The following PCDH15 variants were observed in gnomAD, a reference collection of about 807,000 sequenced individuals.
The protein encoded by PCDH15 is protocadherin-15.
A neutral mutation model predicts 178.5 loss-of-function variants in PCDH15; 129 were observed. That is an observed-to-expected ratio of 0.72 (90% CI 0.63 to 0.84). The LOEUF (loss-of-function observed/expected upper bound fraction) is 0.84. Ranked by LOEUF, PCDH15 falls within the 40% of genes least tolerant of loss-of-function variation. The pLI is 0.00. For synonymous variants in PCDH15, 800 were observed against 732.0 expected, an observed-to-expected ratio of 1.09 and a Z score of -1.50; for missense variants, 2,230 against 2,099.9, an observed-to-expected ratio of 1.06 and a Z score of -1.21.
intron 26 of PCDH15, among the ~76,000 whole-genome samples, chr10:53,890,203 G>A (rs998265971): frequency 2.6e-5 from 4 of 152,118 alleles, no homozygotes; most frequent in African/African-American, 9.7e-5. Context: ...CGATGCAGGC[G>A]GATCACAAGG....
At chr10:54,725,561 T>C (rs965687211) in intron 1 of PCDH15, among the ~76,000 whole-genome samples, 3 of 141,342 alleles carry the variant, frequency 2.1e-5, no homozygotes, top group African/African-American at 7.6e-5. Context: ...ATTATATATA[T>C]ATATAATTGG....
chr10:54,572,757 T>C (rs2089996695), intron 2 of PCDH15, among the ~76,000 whole-genome samples: 2 of 152,118 alleles, frequency 1.3e-5, no homozygotes, highest in African/African-American at 4.8e-5. Context: ...TTATCTTGCT[T>C]GTAGAAAGCA....
chr10:53,892,928 T>C (rs1413783082), intron 26 of PCDH15, among the ~76,000 whole-genome samples: 2 of 152,174 alleles, frequency 1.3e-5, no homozygotes, highest in Admixed American at 6.5e-5. Flanking sequence ...TCAAAATGAA[T>C]GTGAAGTATT....
At chr10:55,042,219 T>G (rs1173176910) in intron 2 of PCDH15, among the ~76,000 whole-genome samples, 1 of 152,184 alleles carries the variant, frequency 6.6e-6, no homozygotes, top group East Asian at 1.9e-4. Flanking sequence ...ATAGGCATGC[T>G]GACCTTGTAG....
chr10:54,692,057 A>G (rs2095131740), intron 1 of PCDH15, among the ~76,000 whole-genome samples: 2 of 152,142 alleles, frequency 1.3e-5, no homozygotes, highest in African/African-American at 4.8e-5. Flanking sequence ...CAATAATTTT[A>G]TTTGTTTCCA....
chr10:55,227,535 A>G (rs1841086127), intron 1 of PCDH15, among the ~76,000 whole-genome samples: 4 of 152,100 alleles, frequency 2.6e-5, no homozygotes, highest in Admixed American at 2.0e-4. Context: ...GAGCAGAAGG[A>G]TGCAAGGTGC....
chr10:54,195,662 C>T (rs1396964026), intron 11 of PCDH15, 21 bp downstream of exon 11: 1 of 1,594,266 alleles, frequency 6.3e-7, no homozygotes, highest in Non-Finnish European at 8.6e-7. Context: ...CAAACAAGAG[C>T]AAAATATGTA....
intron 1 of PCDH15, among the ~76,000 whole-genome samples, chr10:54,746,633 G>T (rs866868435): frequency 1.3e-5 from 2 of 151,940 alleles, no homozygotes; most frequent in African/African-American, 2.4e-5. Flanking sequence ...TTAATGAAAG[G>T]TTTCTATGAC....
intron 3 of PCDH15, among the ~76,000 whole-genome samples, chr10:54,826,172 A>G (rs758877926): frequency 1.3e-5 from 2 of 151,924 alleles, no homozygotes; most frequent in African/African-American, 2.4e-5. Flanking sequence ...TTATATTTAC[A>G]CCACAGGAAC....
intron 6 of PCDH15, among the ~76,000 whole-genome samples, chr10:54,338,079 A>G (rs1263706766): frequency 6.6e-6 from 1 of 152,228 alleles, no homozygotes; most frequent in African/African-American, 2.4e-5. Context: ...TATGATTACA[A>G]TGCAGTTCAA....
intron 2 of PCDH15, among the ~76,000 whole-genome samples, chr10:54,954,840 T>C (rs1316056602): frequency 6.6e-6 from 1 of 151,252 alleles, no homozygotes; most frequent in African/African-American, 2.4e-5. Flanking sequence ...AATAATTTTG[T>C]TCCTTGACAC....
chr10:54,799,068 C>T (rs989185270), intron 1 of PCDH15, among the ~76,000 whole-genome samples: 1 of 152,058 alleles, frequency 6.6e-6, no homozygotes, highest in African/African-American at 2.4e-5. Flanking sequence ...AAAGTGATAA[C>T]ACAAAGGAAT....
chr10:55,187,703 A>AT, intron 1 of PCDH15, among the ~76,000 whole-genome samples: 1 of 152,072 alleles, frequency 6.6e-6, no homozygotes, highest in Non-Finnish European at 1.5e-5. Context: ...CCAATATTTT[A>AT]TTTTTTAGAT....
rs1304016301 is a variant in PCDH15, at chr10:55,139,126, G to T, written c.-80+27450C>A. 2.0e-5 allele frequency among the ~76,000 whole-genome samples: 3 copies of T among 151,916 alleles called. No individual in the cohort carries two copies. The East Asian group carries it at 5.8e-4, about 29-fold the overall frequency. ...ATCTGCCATATTTATACCCTTCTCA[G>T]TGGAATGCCTCCTTATATATTTTGC... On this transcript the variant is annotated intron_variant, in intron 2 of 5. Coordinates refer to the PCDH15 transcript ENST00000458638.
At chr10:53,891,164 G>A (rs1474074065) in intron 26 of PCDH15, among the ~76,000 whole-genome samples, 2 of 152,022 alleles carry the variant, frequency 1.3e-5, no homozygotes, top group African/African-American at 4.8e-5. Context: ...GGAGGTTCAA[G>A]ACATTACAGG....
intron 14 of PCDH15, among the ~76,000 whole-genome samples, chr10:54,139,136 TA>T (rs1274508302): frequency 6.6e-6 from 1 of 152,178 alleles, no homozygotes; most frequent in Non-Finnish European, 1.5e-5. Flanking sequence ...CATAGAAGGT[TA>T]TAGAACTATA....
chr10:53,857,154 T>C lies in PCDH15; in HGVS notation c.3806+21A>G, dbSNP rs1226823677. 6.1e-6 allele frequency: 9 copies of C among 1,486,154 alleles called. No homozygotes were observed. In the East Asian group the frequency reaches 1.1e-4, roughly 19 times the overall value. 92.1% of individuals were successfully genotyped at this position (1,486,154 alleles called of 1,614,324 possible). A position where few individuals can be genotyped will look rare whatever the true frequency, so the allele number is the denominator to read the frequency against. On this transcript the variant is annotated intron_variant, in intron 28 of 37. Transcript: ENST00000644397. The stretch of plus-strand genomic sequence containing the variant: ...TCATGGTCATATAAAAATAAATATA[T>C]AAGGAGACAAAATCAATTACTCTGT...
At chr10:54,646,270 C>T (rs966086379) in intron 2 of PCDH15, among the ~76,000 whole-genome samples, 2 of 152,050 alleles carry the variant, frequency 1.3e-5, no homozygotes, top group Non-Finnish European at 2.9e-5. Flanking sequence ...GTGTAAAACA[C>T]TGTATTCAGA....
chr10:54,881,643 T>G (rs145528536), intron 3 of PCDH15, among the ~76,000 whole-genome samples: 5 of 152,204 alleles, frequency 3.3e-5, no homozygotes, highest in Admixed American at 6.6e-5. Context: ...GAATCATCCG[T>G]AGTTATAGAT....
Sources: allele counts gnomAD v4.1 joint callset (sites outside exome capture counted in the v4.1 genomes callset), GRCh38; gene constraint gnomAD v4.1.1; transcripts MANE v1.5; gene names NCBI Gene and HGNC (gene_info 2026-07-23, HGNC 2026-07-21).